Variants in DDX19B observed in about 807,000 individuals in gnomAD.
DDX19B encodes the protein DEAD-box helicase 19B, also known as ATP-dependent RNA helicase DDX19B.
DDX19B carries 27 observed loss-of-function variants against 58.1 expected under a neutral mutation model. That is an observed-to-expected ratio of 0.46 (90% CI 0.34 to 0.64). The LOEUF (loss-of-function observed/expected upper bound fraction) is 0.64, where lower values mean the gene tolerates loss of function less well. Among genes scored for constraint, DDX19B ranks in the 30% least tolerant of loss-of-function variants. DDX19B has a pLI of 0.01. For missense variants in DDX19B, 399 were observed against 596.5 expected (o/e 0.67, Z 3.45); for synonymous variants, 187 against 214.4 (o/e 0.87, Z 1.12).
rs760538686 is a variant in DDX19B, at chr16:70,316,105, G to A, written c.296+1G>A. ...TGAAGTCTTTTGAAGAGCTTCGGCT[G>A]TGAGTATTTATTCACCTTCTGACTC... On this transcript the variant is annotated splice_donor_variant, in intron 4 of 11. Coordinates refer to ENST00000288071, the MANE Select transcript of DDX19B (RefSeq NM_007242.7). LOFTEE classifies it high-confidence loss of function. The A allele has an allele frequency of 6.2e-7, 1 of 1,613,980 alleles. No individual in the cohort carries two copies. The highest frequency in any genetic ancestry group is 8.5e-7 in the Non-Finnish European group (1 of 1,180,000).
intron 1 of DDX19B, among the ~76,000 whole-genome samples, chr16:70,310,463 C>T (rs938146332): frequency 1.3e-5 from 2 of 152,014 alleles, no homozygotes; most frequent in Non-Finnish European, 2.9e-5. Flanking sequence ...ATTGCCTGAG[C>T]CTTAGGAGGT....
At chr16:70,309,480 G>C (rs1353464924) in intron 1 of DDX19B, among the ~76,000 whole-genome samples, 1 of 151,604 alleles carries the variant, frequency 6.6e-6, no homozygotes, top group Non-Finnish European at 1.5e-5. Flanking sequence ...GGGCGACAGA[G>C]CGAGACTCCA....
chr16:70,296,936 G>A (rs1410156191), upstream of DDX19B, among the ~76,000 whole-genome samples: 1 of 152,078 alleles, frequency 6.6e-6, no homozygotes, highest in Non-Finnish European at 1.5e-5. Context: ...ATTTATTTGA[G>A]ACAGAGTCTT....
chr16:70,326,937 C>G (rs1314990786), intron 7 of DDX19B, among the ~76,000 whole-genome samples: 1 of 151,744 alleles, frequency 6.6e-6, no homozygotes, highest in Non-Finnish European at 1.5e-5. Context: ...GGGGTTCACA[C>G]CATTCTCCTG....
At chr16:70,292,266 G>A (rs954064340), upstream of DDX19B, among the ~76,000 whole-genome samples, 11 of 151,648 alleles carry the variant, frequency 7.3e-5, no homozygotes, top group Admixed American at 3.9e-4. Flanking sequence ...TCAGCCTCCC[G>A]AGTAGCTGAG....
chr16:70,330,956 G>A (rs994495945), intron 9 of DDX19B, among the ~76,000 whole-genome samples: 1 of 152,020 alleles, frequency 6.6e-6, no homozygotes, highest in Non-Finnish European at 1.5e-5. Flanking sequence ...CAGATGGGAG[G>A]ATTGATTGAG....
At chr16:70,311,875 C>T (rs182081071) in intron 1 of DDX19B, among the ~76,000 whole-genome samples, 2 of 151,696 alleles carry the variant, frequency 1.3e-5, no homozygotes, top group Non-Finnish European at 2.9e-5. Flanking sequence ...CGGAGTTTCA[C>T]TCTGTTGCCA....
chr16:70,302,861 TG>T (rs1228924516), intron 1 of DDX19B, among the ~76,000 whole-genome samples: 1 of 152,216 alleles, frequency 6.6e-6, no homozygotes, highest in Non-Finnish European at 1.5e-5. Flanking sequence ...CCAACAGCAA[TG>T]GATGAGAGCT....
upstream of DDX19B, among the ~76,000 whole-genome samples, chr16:70,292,463 CA>C (rs1029585956): frequency 6.6e-6 from 1 of 151,462 alleles, no homozygotes; most frequent in Admixed American, 6.6e-5. Context: ...TCTCTTAAAA[CA>C]AAAAAAAGAA....
intron 2 of DDX19B, among the ~76,000 whole-genome samples, chr16:70,314,039 G>A (rs1962231938): frequency 6.6e-6 from 1 of 152,080 alleles, no homozygotes; most frequent in Admixed American, 6.6e-5. Context: ...AACCTGGGAG[G>A]CAGAGGTTGC....
At chr16:70,322,726 T>G (rs1053977933) in intron 5 of DDX19B, among the ~76,000 whole-genome samples, 2 of 151,554 alleles carry the variant, frequency 1.3e-5, no homozygotes, top group Non-Finnish European at 1.5e-5. Context: ...ACCCCATCTC[T>G]ACTAAAAATA....
upstream of DDX19B, among the ~76,000 whole-genome samples, chr16:70,293,703 C>T (rs1330260515): frequency 1.3e-5 from 2 of 148,232 alleles, no homozygotes; most frequent in African/African-American, 5.0e-5. Context: ...GCTCCGCTTC[C>T]TGGGTTCACG....
At chr16:70,311,252 C>T (rs942240010) in intron 1 of DDX19B, among the ~76,000 whole-genome samples, 15 of 151,268 alleles carry the variant, frequency 9.9e-5, no homozygotes, top group Admixed American at 9.2e-4. Flanking sequence ...TGGTGGCGGG[C>T]GCCTGTAGTC....
chr16:70,307,650 A>G (rs1288588661), intron 1 of DDX19B, among the ~76,000 whole-genome samples: 1 of 151,958 alleles, frequency 6.6e-6, no homozygotes, highest in African/African-American at 2.4e-5. Flanking sequence ...GGCGTGAGCC[A>G]TCACATCTGG....
At chr16:70,332,916 T>C (rs1048350659) in intron 10 of DDX19B, 52 bp from the exon 11 acceptor site, 87 of 1,614,026 alleles carry the variant, frequency 5.4e-5, no homozygotes, top group Non-Finnish European at 7.2e-5. Context: ...ACCACATGAC[T>C]GATTTGCCTC....
intron 1 of DDX19B, among the ~76,000 whole-genome samples, chr16:70,306,064 G>GT (rs1041928659): frequency 2.0e-5 from 3 of 150,830 alleles, no homozygotes; most frequent in Admixed American, 1.3e-4. Context: ...CACCCGGCCT[G>GT]TTTTTTTTAT....
chr16:70,309,310 A>G (rs937092665), intron 1 of DDX19B, among the ~76,000 whole-genome samples: 2 of 151,516 alleles, frequency 1.3e-5, no homozygotes, highest in African/African-American at 4.9e-5. Context: ...CCTGGCTAAC[A>G]CGGTGAAACC....
chr16:70,295,442 T>TA (rs34457246), upstream of DDX19B, among the ~76,000 whole-genome samples: 5,398 of 151,532 alleles, frequency 0.036, 336 homozygotes, highest in African/African-American at 0.12. Flanking sequence ...CCCAGCTACT[T>TA]AAAAAAAATT....
intron 1 of DDX19B, among the ~76,000 whole-genome samples, chr16:70,300,891 AT>A (rs201986360): frequency 4.0e-5 from 6 of 150,744 alleles, no homozygotes; most frequent in South Asian, 2.1e-4. Flanking sequence ...TTTATGCTTC[AT>A]TTTTTTTTCT....
Sources: allele counts gnomAD v4.1 joint callset (sites outside exome capture counted in the v4.1 genomes callset), GRCh38; gene constraint gnomAD v4.1.1; transcripts MANE v1.5; gene names NCBI Gene and HGNC (gene_info 2026-07-23, HGNC 2026-07-21).